FGGY: variants seen among roughly 807,000 people sequenced by gnomAD.
FGGY encodes the protein FGGY carbohydrate kinase domain-containing protein.
Under a neutral mutation model 71.3 loss-of-function variants are expected in FGGY, and 72 were observed. That is an observed-to-expected ratio of 1.01 (90% CI 0.84 to 1.23). The LOEUF is 1.23. FGGY is among the 50% of genes most tolerant of loss of function. The pLI is 0.00. For synonymous variants in FGGY, 251 were observed against 250.3 expected (o/e 1.00, Z -0.02); for missense variants, 668 against 682.3 (o/e 0.98, Z 0.23).
intron 14 of FGGY, among the ~76,000 whole-genome samples, chr1:59,704,873 A>G (rs2097742771): frequency 6.6e-6 from 1 of 152,194 alleles, no homozygotes; most frequent in Non-Finnish European, 1.5e-5. Context: ...GTCCTCCAAA[A>G]AAGCTGTCCC....
intron 7 of FGGY, among the ~76,000 whole-genome samples, chr1:59,539,081 A>T (rs2095396228): frequency 6.6e-6 from 1 of 152,220 alleles, no homozygotes; most frequent in Non-Finnish European, 1.5e-5. Flanking sequence ...GATGTGTAAG[A>T]CATCTATGCA....
intron 2 of FGGY, among the ~76,000 whole-genome samples, chr1:59,329,866 A>G (rs1279381241): frequency 6.6e-6 from 1 of 152,222 alleles, no homozygotes; most frequent in Non-Finnish European, 1.5e-5. Flanking sequence ...TCAAGTGCTC[A>G]ATAGCCACAT....
At chr1:59,315,993 A>G (rs555341494) in intron 1 of FGGY, among the ~76,000 whole-genome samples, 2 of 152,358 alleles carry the variant, frequency 1.3e-5, no homozygotes, top group African/African-American at 2.4e-5. Flanking sequence ...AGAAACAACT[A>G]TTATTGCCAA....
intron 5 of FGGY, among the ~76,000 whole-genome samples, chr1:59,418,646 A>G (rs896388332): frequency 1.3e-5 from 2 of 152,194 alleles, no homozygotes; most frequent in African/African-American, 4.8e-5. Flanking sequence ...TTTACGTAAG[A>G]TAAAGGAAGC....
intron 14 of FGGY, among the ~76,000 whole-genome samples, chr1:59,715,949 G>A (rs2097843089): frequency 6.6e-6 from 1 of 152,154 alleles, no homozygotes; most frequent in South Asian, 2.1e-4. Context: ...TGCTACAACT[G>A]CAGAGTTAAA....
chr1:59,687,833 G>A (rs1408059387), intron 14 of FGGY, among the ~76,000 whole-genome samples: 1 of 151,998 alleles, frequency 6.6e-6, no homozygotes, highest in Non-Finnish European at 1.5e-5. Flanking sequence ...GGGCTACCTA[G>A]CTAACTTGAC....
chr1:59,390,849 T>C (rs1377149568), intron 5 of FGGY, among the ~76,000 whole-genome samples: 3 of 152,152 alleles, frequency 2.0e-5, no homozygotes, highest in African/African-American at 7.2e-5. Flanking sequence ...AGATAGTATA[T>C]AATCTGAGCA....
intron 11 of FGGY, among the ~76,000 whole-genome samples, chr1:59,657,694 C>T (rs959652057): frequency 3.3e-5 from 5 of 152,208 alleles, no homozygotes; most frequent in Non-Finnish European, 7.3e-5. Flanking sequence ...GCTTACTCTG[C>T]ACCTTTTTAT....
chr1:59,723,569 G>A (rs957462410), intron 14 of FGGY, among the ~76,000 whole-genome samples: 2 of 149,058 alleles, frequency 1.3e-5, no homozygotes, highest in Non-Finnish European at 3.0e-5. Flanking sequence ...TTTTTGGGGG[G>A]GGGTGGTTGG....
chr1:59,724,549 T>G (rs996632410), intron 14 of FGGY, among the ~76,000 whole-genome samples: 5 of 152,146 alleles, frequency 3.3e-5, no homozygotes, highest in African/African-American at 4.8e-5. Flanking sequence ...CCCAACTCCT[T>G]GACGATCACT....
chr1:59,724,539 C>T (rs1420506678), intron 14 of FGGY, among the ~76,000 whole-genome samples: 1 of 151,110 alleles, frequency 6.6e-6, no homozygotes, highest in Non-Finnish European at 1.5e-5. Context: ...CTCCTTTTTT[C>T]CCAACTCCTT....
chr1:59,469,099 A>C (rs1558033407), intron 6 of FGGY, among the ~76,000 whole-genome samples: 1 of 152,168 alleles, frequency 6.6e-6, no homozygotes, highest in Non-Finnish European at 1.5e-5. Flanking sequence ...CAAGAAGCTG[A>C]GACAAAGAGA....
intron 2 of FGGY, among the ~76,000 whole-genome samples, chr1:59,339,245 G>A (rs964756581): frequency 1.3e-5 from 2 of 152,044 alleles, no homozygotes; most frequent in African/African-American, 4.8e-5. Context: ...TCTGAAATCT[G>A]AAATGCTTTT....
Position 59,567,264 on chromosome 1 carries a change from A to G in FGGY, c.903+13037A>G, listed in dbSNP as rs896707802. Reference sequence around the variant, plus strand: ...CAGCATTGGTTAAGTCAGTCACACAATTTTATCTGTGCACAACCGAGTTGT... The same window carrying G: ...CAGCATTGGTTAAGTCAGTCACACAGTTTTATCTGTGCACAACCGAGTTGT... On this transcript the variant is annotated intron_variant, in intron 8 of 15. Transcript: ENST00000303721. Among the ~76,000 whole-genome samples the G allele has an allele frequency of 5.3e-5, 8 of 152,266 alleles. No homozygotes were observed. In the South Asian group the frequency reaches 1.7e-3, roughly 32 times the overall value.
intron 4 of FGGY, among the ~76,000 whole-genome samples, chr1:59,365,818 G>A (rs894244554): frequency 2.6e-5 from 4 of 152,222 alleles, no homozygotes; most frequent in African/African-American, 9.6e-5. Flanking sequence ...AGTGAATCTT[G>A]TTGACTTATC....
At chr1:59,694,518 A>G (rs1156694816) in intron 14 of FGGY, among the ~76,000 whole-genome samples, 1 of 152,064 alleles carries the variant, frequency 6.6e-6, no homozygotes, top group Non-Finnish European at 1.5e-5. Context: ...GAAGTTTTCA[A>G]TGGGAAAGGG....
chr1:59,394,748 T>A (rs2061121875), intron 5 of FGGY, among the ~76,000 whole-genome samples: 1 of 152,126 alleles, frequency 6.6e-6, no homozygotes, highest in Non-Finnish European at 1.5e-5. Flanking sequence ...ACTTTACATA[T>A]TTATTTCCTT....
chr1:59,459,016 T>A (rs999067762), intron 6 of FGGY, among the ~76,000 whole-genome samples: 2 of 152,156 alleles, frequency 1.3e-5, no homozygotes, highest in African/African-American at 4.8e-5. Context: ...ATGTGGGCAA[T>A]ATAGTGTGAA....
rs189823633 is a variant in FGGY at position 59,417,046 on chromosome 1, A to G, written c.554+38209A>G. ...AGTATATTCACAGGATTATGCAACCATACCCCAGTATCCGATTCCAAAACA... is the reference window on the plus strand; with the variant it reads ...AGTATATTCACAGGATTATGCAACCGTACCCCAGTATCCGATTCCAAAACA... On this transcript the variant is annotated intron_variant, in intron 5 of 15. Transcript: ENST00000303721. Among the ~76,000 whole-genome samples the G allele has an allele frequency of 1.3e-3, 197 of 152,326 alleles. 2 individuals carry two copies. The highest frequency in any genetic ancestry group is 4.2e-3 in the African/African-American group (176 of 41,568).
Sources: allele counts gnomAD v4.1 joint callset (sites outside exome capture counted in the v4.1 genomes callset), GRCh38; gene constraint gnomAD v4.1.1; transcripts MANE v1.5; gene names NCBI Gene and HGNC (gene_info 2026-07-23, HGNC 2026-07-21).